The following LIPC variants were observed in gnomAD, a reference collection of about 807,000 sequenced individuals.
The protein encoded by LIPC is hepatic triacylglycerol lipase.
LIPC carries 44 observed loss-of-function variants against 50.7 expected under a neutral mutation model. The observed-to-expected ratio is 0.87, with a 90% CI of 0.68 to 1.11. The LOEUF is 1.11. LIPC is among the 50% of genes most tolerant of loss of function. The pLI is 0.00. For missense variants in LIPC, 697 were observed against 648.2 expected (o/e 1.08, Z -0.82); for synonymous variants, 271 against 256.4 (o/e 1.06, Z -0.54).
intron 1 of LIPC, among the ~76,000 whole-genome samples, chr15:58,450,780 T>A (rs756466699): frequency 2.6e-5 from 4 of 152,158 alleles, no homozygotes; most frequent in Admixed American, 1.3e-4. Context: ...ATGCCTGGTA[T>A]TGATAAGAGC....
At chr15:58,492,774 T>A (rs1891628630) in intron 1 of LIPC, among the ~76,000 whole-genome samples, 1 of 152,130 alleles carries the variant, frequency 6.6e-6, no homozygotes, top group Non-Finnish European at 1.5e-5. Context: ...CTCACCCCCC[T>A]CCTTAAACCC....
intron 1 of LIPC, among the ~76,000 whole-genome samples, chr15:58,434,137 G>A (rs1457238029): frequency 6.6e-6 from 1 of 152,140 alleles, no homozygotes; most frequent in East Asian, 1.9e-4. Context: ...GTAGAGGCCA[G>A]GGAAGCTGCT....
chr15:58,538,444 ATC>A lies in LIPC; in HGVS notation c.201_202del (p.Asn67LysfsTer134). The A allele has an allele frequency of 6.2e-7, 1 of 1,614,216 alleles. No individual in the cohort carries two copies. Among genetic ancestry groups the A allele is most frequent in the Non-Finnish European group, 8.5e-7 (1 of 1,180,042 alleles). On this transcript the variant is annotated frameshift_variant, in exon 2 of 9. Coordinates refer to ENST00000299022, the MANE Select transcript of LIPC (RefSeq NM_000236.3). LOFTEE classifies it high-confidence loss of function. ...AATCAGGGCTGTCAGATTCGAATCA[ATC>A]ATCCGGACACGTTACAGGAGTGCGG...
intron 8 of LIPC, among the ~76,000 whole-genome samples, chr15:58,567,768 C>T (rs1287188418): frequency 1.3e-5 from 2 of 152,012 alleles, no homozygotes; most frequent in Admixed American, 6.6e-5. Context: ...TGCAGGAAAA[C>T]ATACACAACA....
intron 1 of LIPC, among the ~76,000 whole-genome samples, chr15:58,453,994 T>A (rs771943920): frequency 1.3e-5 from 2 of 152,190 alleles, no homozygotes; most frequent in Non-Finnish European, 2.9e-5. Context: ...ACATACATTA[T>A]CTCAGTTGAC....
intron 6 of LIPC, among the ~76,000 whole-genome samples, chr15:58,553,776 C>T (rs934175558): frequency 6.6e-6 from 1 of 152,200 alleles, no homozygotes; most frequent in Non-Finnish European, 1.5e-5. Flanking sequence ...CTCGCGCCTG[C>T]TCTGAGTTAA....
intron 1 of LIPC, among the ~76,000 whole-genome samples, chr15:58,445,782 T>G (rs570191859): frequency 6.6e-6 from 1 of 152,312 alleles, no homozygotes; most frequent in African/African-American, 2.4e-5. Context: ...ATTACTATTA[T>G]AGAGACCCCA....
At chr15:58,470,501 C>T (rs371874204) in intron 1 of LIPC, among the ~76,000 whole-genome samples, 4 of 151,806 alleles carry the variant, frequency 2.6e-5, no homozygotes, top group African/African-American at 9.7e-5. Flanking sequence ...TAAAATTACT[C>T]ATTTTATAAA....
intron 8 of LIPC, among the ~76,000 whole-genome samples, chr15:58,566,768 A>C (rs1219681785): frequency 6.6e-6 from 1 of 152,218 alleles, no homozygotes; most frequent in African/African-American, 2.4e-5. Context: ...GAAGACATTC[A>C]ATTTCCACAG....
At chr15:58,542,876 C>T (rs1479863029) in intron 4 of LIPC, among the ~76,000 whole-genome samples, 1 of 152,226 alleles carries the variant, frequency 6.6e-6, no homozygotes, top group Non-Finnish European at 1.5e-5. Flanking sequence ...TGCCTGCCCT[C>T]AAACGAATAC....
intron 1 of LIPC, among the ~76,000 whole-genome samples, chr15:58,473,160 G>A (rs1890870259): frequency 6.6e-6 from 1 of 152,152 alleles, no homozygotes; most frequent in African/African-American, 2.4e-5. Flanking sequence ...GAGTAGTGAA[G>A]GCTGCTGGGG....
At chr15:58,565,584 C>T (rs1306617108) in intron 8 of LIPC, 3 of 1,123,110 alleles carry the variant, frequency 2.7e-6, no homozygotes, top group Admixed American at 4.6e-5. Flanking sequence ...GAACCTGAGG[C>T]TCACAGAAGT....
intron 1 of LIPC, among the ~76,000 whole-genome samples, chr15:58,462,498 A>G (rs1894389243): frequency 6.6e-6 from 1 of 152,106 alleles, no homozygotes; most frequent in Non-Finnish European, 1.5e-5. Flanking sequence ...TAATCCATCC[A>G]ATTGGTTTAG....
At chr15:58,516,523 C>G (rs1166657002) in intron 1 of LIPC, among the ~76,000 whole-genome samples, 3 of 152,012 alleles carry the variant, frequency 2.0e-5, no homozygotes, top group Non-Finnish European at 4.4e-5. Flanking sequence ...TTATTTTCAG[C>G]CTTTATTCTC....
At chr15:58,509,159 G>A (rs1419909551) in intron 1 of LIPC, among the ~76,000 whole-genome samples, 1 of 152,192 alleles carries the variant, frequency 6.6e-6, no homozygotes, top group Non-Finnish European at 1.5e-5. Flanking sequence ...CCTCAGTGTT[G>A]TCTGGGAAAT....
In LIPC at chr15:58,515,998, A is replaced by G. The variant is rs16940413; in HGVS notation, c.89-22335A>G. On this transcript the variant is annotated intron_variant, in intron 1 of 8. Coordinates refer to ENST00000299022, the MANE Select transcript of LIPC (RefSeq NM_000236.3). ...ACGGGGCTGTAATCATCGTCTGACCACCACATGTTAGTGCACTGTGTTTCT... is the reference window on the plus strand; with the variant it reads ...ACGGGGCTGTAATCATCGTCTGACCGCCACATGTTAGTGCACTGTGTTTCT... Among the ~76,000 whole-genome samples the G allele has an allele frequency of 3.3e-3, 507 of 152,238 alleles. 4 individuals carry two copies. The highest frequency in any genetic ancestry group is 0.012 in the African/African-American group (487 of 41,540).
At chr15:58,513,932 G>A (rs536845358) in intron 1 of LIPC, among the ~76,000 whole-genome samples, 33 of 152,326 alleles carry the variant, frequency 2.2e-4, no homozygotes, top group African/African-American at 7.7e-4. Context: ...CCTTTGCCAA[G>A]TTCACCCAGC....
At chr15:58,459,924 C>A (rs867991811) in intron 1 of LIPC, among the ~76,000 whole-genome samples, 3 of 152,228 alleles carry the variant, frequency 2.0e-5, no homozygotes, top group African/African-American at 7.2e-5. Context: ...AGAACGGTAG[C>A]CAGTTGGTGG....
chr15:58,501,480 T>G (rs1426693470), intron 1 of LIPC, among the ~76,000 whole-genome samples: 1 of 152,058 alleles, frequency 6.6e-6, no homozygotes, highest in Non-Finnish European at 1.5e-5. Flanking sequence ...ACATTTTCCA[T>G]GTATTTTTAA....
Sources: allele counts gnomAD v4.1 joint callset (sites outside exome capture counted in the v4.1 genomes callset), GRCh38; gene constraint gnomAD v4.1.1; transcripts MANE v1.5; gene names NCBI Gene and HGNC (gene_info 2026-07-23, HGNC 2026-07-21).